The following HSD11B1 variants were observed in gnomAD, a reference collection of about 807,000 sequenced individuals.
HSD11B1 encodes 11-beta-hydroxysteroid dehydrogenase 1.
Under a neutral mutation model 22.1 loss-of-function variants are expected in HSD11B1, and 15 were observed. The observed-to-expected ratio is 0.68, with a 90% CI of 0.45 to 1.04. HSD11B1 has a LOEUF of 1.04. HSD11B1 is among the 50% of genes least tolerant of loss of function. The probability of loss-of-function intolerance (pLI) is 0.00; values close to 1 mark genes in which losing one functional copy is unlikely to be tolerated. For missense variants in HSD11B1, 281 were observed against 357.6 expected (o/e 0.79, Z 1.73); for synonymous variants, 122 against 125.2 (o/e 0.97, Z 0.17).
At chr1:209,724,432 T>C (rs921018516) in intron 4 of HSD11B1, among the ~76,000 whole-genome samples, 13 of 152,202 alleles carry the variant, frequency 8.5e-5, no homozygotes, top group Non-Finnish European at 1.8e-4. Context: ...CCTTGGGATG[T>C]TTGTTTGTGT....
At chr1:209,732,072 T>C (rs1005669384) in intron 4 of HSD11B1, among the ~76,000 whole-genome samples, 2 of 152,156 alleles carry the variant, frequency 1.3e-5, no homozygotes, top group African/African-American at 4.8e-5. Context: ...TGCCAACAGG[T>C]CACCAAGTTG....
At chr1:209,690,270 C>T (rs527241054) in intron 1 of HSD11B1, among the ~76,000 whole-genome samples, 25 of 152,272 alleles carry the variant, frequency 1.6e-4, no homozygotes, top group East Asian at 7.7e-4. Flanking sequence ...GGCGCCACTG[C>T]GCTCCAGCCT....
At chr1:209,732,600 T>G (rs1418640348) in intron 5 of HSD11B1, 21 bp downstream of exon 5, 3 of 1,600,456 alleles carry the variant, frequency 1.9e-6, no homozygotes, top group South Asian at 2.2e-5. Context: ...TACTTTGTGT[T>G]TTTTTTTAAT....
intron 4 of HSD11B1, among the ~76,000 whole-genome samples, chr1:209,728,833 A>C (rs1281930227): frequency 1.3e-5 from 2 of 152,244 alleles, no homozygotes. Context: ...GAGACACTCC[A>C]ACAAAATTTT....
In HSD11B1 at chr1:209,706,811, A is replaced by G. The variant is rs997730423; in HGVS notation, c.322A>G (p.Lys108Glu). 20 of 1,613,826 alleles carry G rather than the reference A, an allele frequency of 1.2e-5. 1 individual carries two copies. Among genetic ancestry groups the G allele is most frequent in the East Asian group, 4.5e-5 (2 of 44,886 alleles). ...AGAGCAATTTGTTGCCCAAGCAGGA[A>G]AGCTCATGGGTGAGGCTGTTTCTCT... ...FAEQFVAQAG[K>E]LMGGLDMLIL... Residue 108 changes from lysine to glutamate, a missense_variant, in exon 3 of 6, where the codon AAG (lysine) becomes GAG (glutamate). Coordinates refer to ENST00000367027, the MANE Select transcript of HSD11B1 (RefSeq NM_005525.4). This position sits in a 1 kb window ranked among gnomAD's most constrained non-coding sequence, Gnocchi z 4.0.
Position 209,692,616 on chromosome 1 carries a change from G to A in HSD11B1, c.-49+6331G>A, listed in dbSNP as rs1001309203. 4.5e-5 allele frequency among the ~76,000 whole-genome samples: 5 copies of A among 110,436 alleles called. 1 individual carries two copies. Among genetic ancestry groups the A allele is most frequent in the African/African-American group, 1.7e-4 (5 of 29,348 alleles). 72.5% of individuals were successfully genotyped at this position (110,436 alleles called of 152,430 possible). A position where few individuals can be genotyped will look rare whatever the true frequency, so the allele number is the denominator to read the frequency against. On this transcript the variant is annotated intron_variant, in intron 1 of 6. Coordinates refer to the HSD11B1 transcript ENST00000261465. The stretch of plus-strand genomic sequence containing the variant: ...TCGGGTATTAAAATGGCGGGGGGGG[G>A]GGTGGGGGCTCGGTTCTTGCTAAAT...
chr1:209,731,950 GC>G (rs1210919083), intron 4 of HSD11B1, among the ~76,000 whole-genome samples: 7 of 152,098 alleles, frequency 4.6e-5, no homozygotes, highest in Non-Finnish European at 8.8e-5. Flanking sequence ...CAAGTGATCT[GC>G]CCACCTCGGC....
At position 209,718,202 on chromosome 1, in the gene HSD11B1, C is replaced by G. The variant is rs535211196; in HGVS notation, c.517+11074C>G. Among the ~76,000 whole-genome samples, 183 of 152,176 alleles carry G rather than the reference C, an allele frequency of 1.2e-3. 1 individual carries two copies. The highest frequency in any genetic ancestry group is 1.9e-3 in the Non-Finnish European group (127 of 67,998). On this transcript the variant is annotated intron_variant, in intron 4 of 5. Transcript: ENST00000367027. ...ATAGTAGAGTGACTATAGTTAGTAA[C>G]TATGTATTGTACATTTCAAAATAAG...
At chr1:209,707,592 C>A (rs971626626) in intron 4 of HSD11B1, among the ~76,000 whole-genome samples, 1 of 148,750 alleles carries the variant, frequency 6.7e-6, no homozygotes, top group Non-Finnish European at 1.5e-5. Flanking sequence ...ACTAGTGACA[C>A]CATAAAAAAT....
At chr1:209,714,510 C>G (rs1352900103) in intron 4 of HSD11B1, among the ~76,000 whole-genome samples, 2 of 152,136 alleles carry the variant, frequency 1.3e-5, no homozygotes, top group Non-Finnish European at 1.5e-5. Flanking sequence ...TTGCTAGTAC[C>G]TGGATTTCTG....
chr1:209,710,158 T>C (rs1157731887), intron 4 of HSD11B1, among the ~76,000 whole-genome samples: 1 of 151,874 alleles, frequency 6.6e-6, no homozygotes, highest in Non-Finnish European at 1.5e-5. Context: ...ATCACTGGAG[T>C]GGGCAGAGAA....
At chr1:209,695,536 T>C (rs916144806) in intron 1 of HSD11B1, among the ~76,000 whole-genome samples, 2 of 152,094 alleles carry the variant, frequency 1.3e-5, no homozygotes, top group African/African-American at 4.8e-5. Flanking sequence ...CATGGCTGGG[T>C]GCGGTGGCTC....
intron 4 of HSD11B1, among the ~76,000 whole-genome samples, chr1:209,715,420 A>G (rs929523948): frequency 1.3e-5 from 2 of 152,162 alleles, no homozygotes; most frequent in African/African-American, 4.8e-5. Context: ...ACTAAAAAAA[A>G]AAACAACAAC....
At chr1:209,724,293 G>A (rs1008748467) in intron 4 of HSD11B1, among the ~76,000 whole-genome samples, 1 of 152,208 alleles carries the variant, frequency 6.6e-6, no homozygotes, top group African/African-American at 2.4e-5. Context: ...TCTCTTTGAA[G>A]TCACTCTCAC....
At chr1:209,727,758 T>C (rs903275513) in intron 4 of HSD11B1, among the ~76,000 whole-genome samples, 2 of 152,226 alleles carry the variant, frequency 1.3e-5, no homozygotes, top group Non-Finnish European at 2.9e-5. Flanking sequence ...TAAATGTTAG[T>C]TCCTATTTAG....
At chr1:209,715,342 C>T (rs1262057678) in intron 4 of HSD11B1, among the ~76,000 whole-genome samples, 3 of 152,140 alleles carry the variant, frequency 2.0e-5, no homozygotes, top group African/African-American at 7.2e-5. Flanking sequence ...TATTCACTCA[C>T]TCTGTCCACT....
At chr1:209,719,019 C>CAAAAAAAAAAAAAAAAAAAAAAA (rs56342028) in intron 4 of HSD11B1, among the ~76,000 whole-genome samples, 4 of 35,704 alleles carry the variant, frequency 1.1e-4, no homozygotes, top group African/African-American at 3.7e-4. Context: ...GACTCCATCT[C>CAAAAAAAAAAAAAAAAAAAAAAA]AAAAAAAAAA....
chr1:209,734,603 A>G lies in HSD11B1; in HGVS notation c.*82A>G. The G allele has an allele frequency of 9.6e-7, 1 of 1,047,000 alleles. No individual in the cohort carries two copies. Among genetic ancestry groups the G allele is most frequent in the African/African-American group, 1.6e-5 (1 of 63,876 alleles). 64.9% of individuals were successfully genotyped at this position (1,047,000 alleles called of 1,614,324 possible). ...TATCTGAGCTCTTATCTATGAAGAC[A>G]TCTTCCCAGAGTGTCCCCAGAGACA... On this transcript the variant is annotated 3_prime_UTR_variant, in exon 6 of 6. Coordinates refer to ENST00000367027, the MANE Select transcript of HSD11B1 (RefSeq NM_005525.4).
chr1:209,690,835 C>T (rs2076755427), intron 1 of HSD11B1, among the ~76,000 whole-genome samples: 1 of 151,900 alleles, frequency 6.6e-6, no homozygotes, highest in Non-Finnish European at 1.5e-5. Flanking sequence ...AAGATCAGCT[C>T]AGGAGCTCTA....
Sources: gnomAD v4.1 joint callset for allele counts (sites outside exome capture counted in the v4.1 genomes callset) on GRCh38, gnomAD v4.1.1 for gene constraint, Gnocchi (gnomAD v3.1) non-coding constraint, MANE v1.5 for transcripts, NCBI Gene and HGNC (gene_info 2026-07-23, HGNC 2026-07-21) for gene names.